Variants in HESX1 observed in about 807,000 individuals in gnomAD.
The protein encoded by HESX1 is homeobox expressed in ES cells 1.
A neutral mutation model predicts 22.5 loss-of-function variants in HESX1; 11 were observed. The observed-to-expected ratio is 0.49, with a 90% CI of 0.31 to 0.81. The LOEUF is 0.81. HESX1 is among the 30% of genes least tolerant of loss of function. The pLI, the probability that HESX1 is intolerant of heterozygous loss-of-function variation, is 0.05. For missense variants in HESX1, 201 were observed against 212.6 expected, an observed-to-expected ratio of 0.95 and a Z score of 0.34; for synonymous variants, 74 against 76.5, an observed-to-expected ratio of 0.97 and a Z score of 0.17.
chr3:57,204,340 T>C (rs184820817), upstream of HESX1, among the ~76,000 whole-genome samples: 1,060 of 152,282 alleles, frequency 7.0e-3, 6 homozygotes, highest in Non-Finnish European at 0.011. Flanking sequence ...TTTGAGGTTA[T>C]TATATACATA....
In HESX1 at chr3:57,198,210, T is replaced by A. The variant is rs765366602; in HGVS notation, c.545A>T (p.Asn182Ile). 7 of 1,601,280 alleles carry A rather than the reference T, an allele frequency of 4.4e-6. No individual in the cohort carries two copies. Among genetic ancestry groups the A allele is most frequent in the Non-Finnish European group, 6.0e-6 (7 of 1,168,624 alleles). ...TTAGTTTTCTATCTATTCCAGCAGA[T>A]TTGTGTTGAAATTTTTTTTCGCCAT... ...FLMAKKNFNT[N>I]LLE is the part of the protein sequence containing the mutation. The change falls in exon 4 of 4, where the codon AAT (asparagine) becomes ATT (isoleucine). Residue 182 changes from asparagine (N) to isoleucine (I), a missense_variant. Transcript: ENST00000295934.
chr3:57,198,647 A>G (rs1579347400), intron 2 of HESX1, 106 bp downstream of exon 2: 2 of 1,133,048 alleles, frequency 1.8e-6, no homozygotes, highest in East Asian at 4.7e-5. Context: ...CTACTGTTTC[A>G]TTAATAAGGC....
chr3:57,212,143 T>C lies in HESX1; in HGVS notation c.-110-12115A>G, dbSNP rs529883991. On this transcript the variant is annotated intron_variant, in intron 1 of 2. Coordinates refer to the HESX1 transcript ENST00000495160. The stretch of plus-strand genomic sequence containing the variant: ...CAAATCTCAAAAGAGTAAAGTATTA[T>C]ATTTTTCATTTTCAAACCAGTTAAA... 4.6e-5 allele frequency among the ~76,000 whole-genome samples: 7 copies of C among 151,348 alleles called. No homozygotes were observed. The East Asian group carries it at 7.7e-4, about 17-fold the overall frequency.
upstream of HESX1, among the ~76,000 whole-genome samples, chr3:57,227,082 A>G (rs1471528232): frequency 1.3e-5 from 2 of 152,202 alleles, no homozygotes; most frequent in Admixed American, 6.5e-5. Context: ...TTCCTTTGTG[A>G]TTTAAAAGAA....
At chr3:57,219,864 T>C (rs529990569) in intron 1 of HESX1, among the ~76,000 whole-genome samples, 1 of 152,350 alleles carries the variant, frequency 6.6e-6, no homozygotes, top group Non-Finnish European at 1.5e-5. Context: ...TTTGTCAATT[T>C]TTGCTTTTGT....
chr3:57,217,520 C>T (rs549468624), intron 1 of HESX1, among the ~76,000 whole-genome samples: 3 of 152,252 alleles, frequency 2.0e-5, no homozygotes, highest in Admixed American at 6.5e-5. Flanking sequence ...CCTTACCTCA[C>T]TTGAGGACCA....
chr3:57,202,133 A>G (rs1349160824), upstream of HESX1, among the ~76,000 whole-genome samples: 2 of 151,744 alleles, frequency 1.3e-5, no homozygotes, highest in East Asian at 3.9e-4. Flanking sequence ...GTTAGCCAGG[A>G]TGGTCTCGAT....
upstream of HESX1, among the ~76,000 whole-genome samples, chr3:57,203,328 G>A (rs2060500752): frequency 6.6e-6 from 1 of 152,150 alleles, no homozygotes. Flanking sequence ...TTTGAAAAAA[G>A]CGTGAGGAGA....
At chr3:57,201,199 G>A (rs754432699), upstream of HESX1, among the ~76,000 whole-genome samples, 3 of 152,084 alleles carry the variant, frequency 2.0e-5, no homozygotes, top group Non-Finnish European at 4.4e-5. Flanking sequence ...CACAAATATT[G>A]AGCTAAATTC....
rs778100113 is a variant in HESX1 at position 57,199,851 on chromosome 3, A to G, written c.68T>C (p.Ile23Thr). 10 of 1,613,902 alleles carry G rather than the reference A, an allele frequency of 6.2e-6. No homozygotes were observed. The East Asian group carries it at 1.1e-4, about 18-fold the overall frequency. ...ENKPSTCSFSIERILGLDQKK... is the reference protein window; with the variant it reads ...ENKPSTCSFSTERILGLDQKK... ...CTGGTCCAGTCCTAAGATTCTCTCA[A>G]TTGAAAAGGAGCAAGTTGAGGGTTT... The change falls in exon 1 of 4, where the codon ATT becomes ACT. Residue 23 changes from isoleucine to threonine, a missense_variant. Physicochemically the swap from Ile to Thr is moderately conservative, Grantham distance 89. Transcript: ENST00000295934.
upstream of HESX1, among the ~76,000 whole-genome samples, chr3:57,227,189 C>T (rs1283622268): frequency 6.6e-6 from 1 of 152,178 alleles, no homozygotes; most frequent in Non-Finnish European, 1.5e-5. Context: ...ATGTTTTCAA[C>T]TGAATATACT....
chr3:57,218,695 G>C (rs2060597869), intron 1 of HESX1, among the ~76,000 whole-genome samples: 1 of 152,024 alleles, frequency 6.6e-6, no homozygotes, highest in African/African-American at 2.4e-5. Flanking sequence ...CGCCTGCCTT[G>C]GCCTCCCAAA....
chr3:57,219,116 G>A (rs1188813272), intron 1 of HESX1, among the ~76,000 whole-genome samples: 2 of 152,116 alleles, frequency 1.3e-5, no homozygotes, highest in African/African-American at 4.8e-5. Context: ...TATTCTGACT[G>A]TTGTTCCCCT....
rs905080750 is a variant in HESX1 at position 57,199,845 on chromosome 3, C to A, written c.74G>T (p.Arg25Ile). The change falls in exon 1 of 4, where the codon AGA becomes ATA. Residue 25 changes from arginine (R) to isoleucine (I), a missense_variant. Arg to Ile is a moderately conservative substitution (Grantham distance 97, BLOSUM62 -3). Coordinates refer to ENST00000295934, the MANE Select transcript of HESX1 (RefSeq NM_003865.3). ...TTTCTTCTGGTCCAGTCCTAAGATT[C>A]TCTCAATTGAAAAGGAGCAAGTTGA... ...KPSTCSFSIERILGLDQKKDC... is the reference protein window; with the variant it reads ...KPSTCSFSIEIILGLDQKKDC... 6.2e-7 allele frequency: 1 copy of A among 1,614,106 alleles called. No individual in the cohort carries two copies. The highest frequency in any genetic ancestry group is 1.1e-5 in the South Asian group (1 of 91,084).
intron 1 of HESX1, among the ~76,000 whole-genome samples, chr3:57,223,045 C>T (rs576134294): frequency 1.2e-4 from 18 of 152,176 alleles, no homozygotes; most frequent in East Asian, 3.9e-4. Context: ...ATGCTTATTG[C>T]GCTAGGAGCT....
chr3:57,213,884 G>A (rs1468860279), intron 1 of HESX1, among the ~76,000 whole-genome samples: 3 of 152,164 alleles, frequency 2.0e-5, no homozygotes, highest in African/African-American at 7.2e-5. Context: ...TCGTGCCACT[G>A]TACTCCAGCT....
chr3:57,227,613 G>A (rs2060656606), upstream of HESX1: 1 of 314,700 alleles, frequency 3.2e-6, no homozygotes, highest in East Asian at 5.0e-5. Flanking sequence ...GCTCGCGGGA[G>A]AGCCTAGCGC....
At chr3:57,202,332 G>C (rs1437264897), upstream of HESX1, among the ~76,000 whole-genome samples, 1 of 151,708 alleles carries the variant, frequency 6.6e-6, no homozygotes, top group East Asian at 1.9e-4. Flanking sequence ...ACAGATTTTT[G>C]TTTGTTTGTT....
At chr3:57,222,180 ACT>A (rs942557863) in intron 1 of HESX1, among the ~76,000 whole-genome samples, 9 of 152,094 alleles carry the variant, frequency 5.9e-5, no homozygotes, top group Non-Finnish European at 1.2e-4. Context: ...CAATTCTGCT[ACT>A]CTGTTTTTCA....
Sources: gnomAD v4.1 joint callset for allele counts (sites outside exome capture counted in the v4.1 genomes callset) on GRCh38, gnomAD v4.1.1 for gene constraint, MANE v1.5 for transcripts, NCBI Gene and HGNC (gene_info 2026-07-23, HGNC 2026-07-21) for gene names.